EPHX1: variants seen among roughly 807,000 people sequenced by gnomAD.
The protein encoded by EPHX1 is epoxide hydrolase 1, also known as epoxide hydratase.
Under a neutral mutation model 43.2 loss-of-function variants are expected in EPHX1, and 40 were observed. The observed-to-expected ratio is 0.93, with a 90% CI of 0.72 to 1.21. The LOEUF (loss-of-function observed/expected upper bound fraction) is 1.21. EPHX1 is among the 50% of genes most tolerant of loss of function. EPHX1 has a pLI of 0.00. For missense variants in EPHX1, 550 were observed against 570.4 expected (o/e 0.96, Z 0.36); for synonymous variants, 221 against 226.7 (o/e 0.98, Z 0.22).
At chr1:225,832,974 G>A (rs1427791003) in intron 3 of EPHX1, among the ~76,000 whole-genome samples, 4 of 152,108 alleles carry the variant, frequency 2.6e-5, no homozygotes, top group Admixed American at 2.6e-4. Context: ...CCACTCTGTG[G>A]GTTGCCATAC....
chr1:225,822,692 G>T (rs1667027806), intron 1 of EPHX1, among the ~76,000 whole-genome samples: 1 of 152,204 alleles, frequency 6.6e-6, no homozygotes, highest in Non-Finnish European at 1.5e-5. Flanking sequence ...GCCCCTTGAT[G>T]CTGAGAATGC....
intron 3 of EPHX1, among the ~76,000 whole-genome samples, chr1:225,836,721 A>C (rs1011495491): frequency 2.0e-5 from 3 of 152,258 alleles, no homozygotes; most frequent in African/African-American, 7.2e-5. Context: ...CACCTATAGA[A>C]GGAATCTGAA....
chr1:225,842,395 C>G lies in EPHX1; in HGVS notation c.961C>G (p.Leu321Val). ...TGCTCTGAATGACTCTCCTGTGGGTCTGGCTGCCTATATTCTAGAGAAGTT... is the reference window on the plus strand; with the variant it reads ...TGCTCTGAATGACTCTCCTGTGGGTGTGGCTGCCTATATTCTAGAGAAGTT... ...GSALNDSPVG[L>V]AAYILEKFST... The change falls in exon 7 of 9, where the codon CTG (leucine) becomes GTG (valine). Residue 321 changes from leucine to valine, a missense_variant. Physicochemically the swap from Leu to Val is conservative, Grantham distance 32 (BLOSUM62 1). Transcript: ENST00000272167. 7 of 1,614,032 alleles carry G rather than the reference C, an allele frequency of 4.3e-6. No homozygotes were observed. Among genetic ancestry groups the G allele is most frequent in the Non-Finnish European group, 5.1e-6 (6 of 1,179,878 alleles).
rs1576025690 is a variant in EPHX1, at chr1:225,838,844, C to G, written c.555C>G (p.Ile185Met). The G allele has an allele frequency of 1.2e-6, 2 of 1,614,120 alleles. No homozygotes were observed. The highest frequency in any genetic ancestry group is 1.7e-5 in the Admixed American group (1 of 60,016). ...TTTTTGAAGTCATCTGCCCTTCCAT[C>G]CCTGGCTATGGCTTCTCAGAGGCAT... ...EHVFEVICPS[I>M]PGYGFSEASS... is the part of the protein sequence containing the mutation. Residue 185 changes from isoleucine to methionine, a missense_variant, in exon 4 of 9, where the codon ATC becomes ATG. By Grantham distance (10) the Ile-to-Met change is conservative (BLOSUM62 1). Transcript: ENST00000272167.
intron 1 of EPHX1, 137 bp downstream of exon 1, chr1:225,810,306 A>G (rs1025506473): frequency 1.3e-5 from 2 of 151,754 alleles, no homozygotes; most frequent in Non-Finnish European, 2.9e-5. Flanking sequence ...GCAGGGGTGC[A>G]GAGGGACTTG....
intron 7 of EPHX1, among the ~76,000 whole-genome samples, chr1:225,843,045 GGAAA>G (rs1278174399): frequency 2.0e-5 from 3 of 152,196 alleles, no homozygotes; most frequent in Non-Finnish European, 4.4e-5. Flanking sequence ...GCTGGGGATG[GGAAA>G]GACAGTAAAA....
chr1:225,843,910 C>G (rs80058156), intron 7 of EPHX1, among the ~76,000 whole-genome samples: 2,101 of 152,270 alleles, frequency 0.014, 51 homozygotes, highest in African/African-American at 0.048. Context: ...TCTGTCCCTG[C>G]TCCCTGCTGC....
At chr1:225,832,547 G>A (rs1365771587) in intron 3 of EPHX1, among the ~76,000 whole-genome samples, 1 of 152,228 alleles carries the variant, frequency 6.6e-6, no homozygotes, top group Non-Finnish European at 1.5e-5. Context: ...TCTGCTCTCA[G>A]TTCTTTTGGA....
chr1:225,829,961 C>G (rs542216808), intron 2 of EPHX1, among the ~76,000 whole-genome samples: 1 of 152,086 alleles, frequency 6.6e-6, no homozygotes, highest in East Asian at 1.9e-4. Context: ...TATAATAATC[C>G]CAGCTACTCG....
rs200911198 is a variant in EPHX1, at chr1:225,842,354, G to A, written c.932-12G>A. The A allele has an allele frequency of 2.1e-5, 33 of 1,591,916 alleles. No homozygotes were observed. In the East Asian group the frequency reaches 4.2e-4, roughly 20 times the overall value. ...GGCCTGAGTCTCTCCCTTGCTCCCC[G>A]CTCCCCGCCAGGCTCTGCTCTGAAT... On this transcript the variant is annotated splice_polypyrimidine_tract_variant and intron_variant, in intron 6 of 8. Transcript: ENST00000272167.
intron 1 of EPHX1, among the ~76,000 whole-genome samples, chr1:225,823,060 CATT>C (rs1232584972): frequency 6.6e-6 from 1 of 152,160 alleles, no homozygotes; most frequent in Non-Finnish European, 1.5e-5. Flanking sequence ...AGTAGTTCAA[CATT>C]ATTATCCCCA....
In EPHX1 at chr1:225,827,850, C is replaced by T. The variant is rs45452792; in HGVS notation, c.-5-875C>T. Reference sequence around the variant, plus strand: ...GCTAAGCTGTGTGGCCATGGCTGGGCTTCCTAGCAGTGTCCCCCAACCCCA... The same window carrying T: ...GCTAAGCTGTGTGGCCATGGCTGGGTTTCCTAGCAGTGTCCCCCAACCCCA... On this transcript the variant is annotated intron_variant, in intron 1 of 8. Coordinates refer to ENST00000272167, the MANE Select transcript of EPHX1 (RefSeq NM_001136018.4). Among the ~76,000 whole-genome samples the T allele has an allele frequency of 5.7e-3, 867 of 152,360 alleles. 1 individual carries two copies. Among genetic ancestry groups the T allele is most frequent in the Non-Finnish European group, 8.5e-3 (579 of 68,024 alleles).
At position 225,841,670 on chromosome 1, in the gene EPHX1, C is replaced by T. The variant is rs45540632; in HGVS notation, c.932-696C>T. Reference sequence around the variant, plus strand: ...AGGCTAGAGTGCAGTGGTACGATCTCGGCTCACTGCAACCTCCACCTCCCG... The same window carrying T: ...AGGCTAGAGTGCAGTGGTACGATCTTGGCTCACTGCAACCTCCACCTCCCG... On this transcript the variant is annotated intron_variant, in intron 6 of 8. Coordinates refer to ENST00000272167, the MANE Select transcript of EPHX1 (RefSeq NM_001136018.4). Among the ~76,000 whole-genome samples the T allele has an allele frequency of 7.3e-3, 1,058 of 144,416 alleles. 11 individuals are homozygous for T. Among genetic ancestry groups the T allele is most frequent in the Non-Finnish European group, 7.4e-3 (498 of 66,866 alleles). 94.7% of individuals were successfully genotyped at this position (144,416 alleles called of 152,430 possible).
At chr1:225,823,582 A>G (rs1004717248) in intron 1 of EPHX1, among the ~76,000 whole-genome samples, 3 of 152,278 alleles carry the variant, frequency 2.0e-5, no homozygotes, top group East Asian at 3.9e-4. Context: ...GCCCAGTGGC[A>G]GTGACTTATC....
intron 1 of EPHX1, among the ~76,000 whole-genome samples, chr1:225,811,143 G>A (rs1488672377): frequency 5.3e-5 from 8 of 152,160 alleles, no homozygotes; most frequent in Admixed American, 2.0e-4. Flanking sequence ...GCCAGGGAAT[G>A]TGGTCAACCT....
chr1:225,828,688 C>T lies in EPHX1; in HGVS notation c.-5-37C>T, dbSNP rs1553484831. On this transcript the variant is annotated intron_variant, in intron 1 of 8. Transcript: ENST00000272167. ...TCTGGGCTGTCAGGGCCGGGCTGGGCGGGCTCCGTTGTTAATGGCTTCCCC... is the reference window on the plus strand; with the variant it reads ...TCTGGGCTGTCAGGGCCGGGCTGGGTGGGCTCCGTTGTTAATGGCTTCCCC... 8 of 1,608,298 alleles carry T rather than the reference C, an allele frequency of 5.0e-6. 1 individual carries two copies. Among genetic ancestry groups the T allele is most frequent in the Admixed American group, 3.3e-5 (2 of 59,814 alleles).
chr1:225,817,020 G>C lies in EPHX1; in HGVS notation c.-6+6851G>C, dbSNP rs1407786447. Among the ~76,000 whole-genome samples the C allele has an allele frequency of 6.6e-6, 1 of 152,106 alleles. No individual in the cohort carries two copies. Among genetic ancestry groups the C allele is most frequent in the Non-Finnish European group, 1.5e-5 (1 of 68,008 alleles). On this transcript the variant is annotated intron_variant, in intron 1 of 8. Coordinates refer to ENST00000272167, the MANE Select transcript of EPHX1 (RefSeq NM_001136018.4). The surrounding 1 kb of genome is among the most constrained non-coding windows in gnomAD (Gnocchi z 5.7). Reference sequence around the variant, plus strand: ...TTTACTGCTCTTTTACTCTCCCCCAGCTTTTTTTTTCCTGCTTGTAAACTG... The same window carrying C: ...TTTACTGCTCTTTTACTCTCCCCCACCTTTTTTTTTCCTGCTTGTAAACTG...
chr1:225,817,824 A>G lies in EPHX1; in HGVS notation c.-6+7655A>G, dbSNP rs1048875098. Among the ~76,000 whole-genome samples, 1 of 152,256 alleles carries G rather than the reference A, an allele frequency of 6.6e-6. No homozygotes were observed. Among genetic ancestry groups the G allele is most frequent in the African/African-American group, 2.4e-5 (1 of 41,472 alleles). On this transcript the variant is annotated intron_variant, in intron 1 of 8. Transcript: ENST00000272167. The surrounding 1 kb of genome is among the most constrained non-coding windows in gnomAD (Gnocchi z 5.7). ...ATTCTGCCCTGCAATGCACTTAGCC[A>G]AGGCCGGGCACATGGCAAGTGCTGA... is the stretch of plus-strand genomic sequence containing the variant.
At chr1:225,843,167 T>C (rs563203531) in intron 7 of EPHX1, among the ~76,000 whole-genome samples, 1 of 152,174 alleles carries the variant, frequency 6.6e-6, no homozygotes, top group Admixed American at 6.5e-5. Context: ...TACATAGATG[T>C]TGAATGAATG....
Sources: gnomAD v4.1 joint callset for allele counts (sites outside exome capture counted in the v4.1 genomes callset) on GRCh38, gnomAD v4.1.1 for gene constraint, Gnocchi (gnomAD v3.1) non-coding constraint, MANE v1.5 for transcripts, NCBI Gene and HGNC (gene_info 2026-07-23, HGNC 2026-07-21) for gene names.